Variants in SPIDR observed in about 807,000 individuals in gnomAD.
The protein encoded by SPIDR is DNA repair-scaffolding protein.
A neutral mutation model predicts 104.6 loss-of-function variants in SPIDR; 93 were observed. The observed-to-expected ratio is 0.89, with a 90% CI of 0.75 to 1.06. The LOEUF (loss-of-function observed/expected upper bound fraction) is 1.06. Ranked by LOEUF, SPIDR falls within the 50% of genes least tolerant of loss-of-function variation. The pLI, the probability that SPIDR is intolerant of heterozygous loss-of-function variation, is 0.00. For synonymous variants in SPIDR, 431 were observed against 416.9 expected (o/e 1.03, Z -0.41); for missense variants, 1,154 against 1,111.2 (o/e 1.04, Z -0.55).
chr8:47,315,286 A>G (rs2045109900), intron 5 of SPIDR, among the ~76,000 whole-genome samples: 1 of 152,198 alleles, frequency 6.6e-6, no homozygotes, highest in Non-Finnish European at 1.5e-5. Context: ...TACACATGAT[A>G]TGCATACCGA....
intron 8 of SPIDR, among the ~76,000 whole-genome samples, chr8:47,572,178 T>C (rs2058598746): frequency 6.6e-6 from 1 of 152,306 alleles, no homozygotes; most frequent in South Asian, 2.1e-4. Flanking sequence ...CAGACTGTTT[T>C]GAATGTCATA....
chr8:47,335,632 G>A (rs1234457383), intron 5 of SPIDR, among the ~76,000 whole-genome samples: 2 of 152,096 alleles, frequency 1.3e-5, no homozygotes, highest in South Asian at 2.1e-4. Flanking sequence ...TATATTTTTA[G>A]TAAAGACGGG....
chr8:47,427,307 T>A (rs2066573043), intron 7 of SPIDR, among the ~76,000 whole-genome samples: 1 of 142,072 alleles, frequency 7.0e-6, no homozygotes, highest in South Asian at 2.2e-4. Context: ...TGGGACAGGG[T>A]TTTTTTTTTT....
At chr8:47,654,309 C>T (rs982837299) in intron 10 of SPIDR, among the ~76,000 whole-genome samples, 1 of 152,088 alleles carries the variant, frequency 6.6e-6, no homozygotes. Flanking sequence ...AAGGCAAGAC[C>T]GTGACAATGG....
chr8:47,579,805 TC>T (rs2059527081), intron 8 of SPIDR, among the ~76,000 whole-genome samples: 2 of 152,178 alleles, frequency 1.3e-5, no homozygotes, highest in African/African-American at 2.4e-5. Context: ...TCAGTTTGTG[TC>T]CCTTCCCTTT....
chr8:47,432,954 A>T (rs2067618439), intron 7 of SPIDR, among the ~76,000 whole-genome samples: 1 of 152,210 alleles, frequency 6.6e-6, no homozygotes, highest in African/African-American at 2.4e-5. Flanking sequence ...AGACTATTGT[A>T]GTAACTAAGA....
chr8:47,393,675 T>C (rs1441656558), intron 5 of SPIDR, among the ~76,000 whole-genome samples: 1 of 7,208 alleles, frequency 1.4e-4, no homozygotes, highest in African/African-American at 2.0e-4. Flanking sequence ...CCTTTCCTTT[T>C]TCCTTTCCTT....
intron 12 of SPIDR, 137 bp downstream of exon 12, chr8:47,700,627 C>A: frequency 1.3e-6 from 1 of 796,542 alleles, no homozygotes; most frequent in Non-Finnish European, 2.1e-6. Context: ...GCAGTCAGTT[C>A]CTTTGTAGTG....
intron 5 of SPIDR, among the ~76,000 whole-genome samples, chr8:47,368,284 A>G (rs781865732): frequency 1.3e-4 from 18 of 143,590 alleles, no homozygotes; most frequent in Non-Finnish European, 2.1e-4. Flanking sequence ...GGAGGACACA[A>G]CATTCAGTCC....
At chr8:47,289,228 G>GT (rs1174525027) in intron 3 of SPIDR, among the ~76,000 whole-genome samples, 2 of 151,692 alleles carry the variant, frequency 1.3e-5, no homozygotes, top group Non-Finnish European at 2.9e-5. Context: ...CTAGGCTGGA[G>GT]TTTTTTTTGT....
At chr8:47,528,348 A>G (rs2085362197) in intron 8 of SPIDR, among the ~76,000 whole-genome samples, 1 of 152,206 alleles carries the variant, frequency 6.6e-6, no homozygotes, top group Admixed American at 6.5e-5. Context: ...AAAGATCTTT[A>G]TACTGCAGTC....
chr8:47,731,586 G>A (rs897743819), intron 19 of SPIDR, among the ~76,000 whole-genome samples: 5 of 152,252 alleles, frequency 3.3e-5, no homozygotes, highest in African/African-American at 7.2e-5. Flanking sequence ...GAAAGTCATC[G>A]TTACGCCACA....
intron 7 of SPIDR, among the ~76,000 whole-genome samples, chr8:47,423,699 G>A (rs1238428283): frequency 6.6e-6 from 1 of 152,208 alleles, no homozygotes; most frequent in Non-Finnish European, 1.5e-5. Context: ...AATGGCATGG[G>A]GTGGGCAGGG....
chr8:47,389,614 G>A (rs1472592579), intron 5 of SPIDR, among the ~76,000 whole-genome samples: 19 of 147,768 alleles, frequency 1.3e-4, no homozygotes, highest in African/African-American at 4.4e-4. Context: ...GCGTGAACCC[G>A]GAAGGCAGAG....
chr8:47,341,081 ACATAT>A (rs1446269016), intron 5 of SPIDR, among the ~76,000 whole-genome samples: 1 of 152,204 alleles, frequency 6.6e-6, no homozygotes, highest in Non-Finnish European at 1.5e-5. Flanking sequence ...CCTGAGACTG[ACATAT>A]CAGAAGTGAG....
Position 47,598,979 on chromosome 8 carries a change from G to T in SPIDR, c.1327G>T (p.Ala443Ser), listed in dbSNP as rs2061944525. The T allele has an allele frequency of 1.2e-6, 2 of 1,613,936 alleles. No homozygotes were observed. The highest frequency in any genetic ancestry group is 1.7e-6 in the Non-Finnish European group (2 of 1,179,918). The change falls in exon 10 of 20, where the codon GCC (alanine) becomes TCC (serine). Residue 443 changes from alanine to serine, a missense_variant. Coordinates refer to ENST00000297423, the MANE Select transcript of SPIDR (RefSeq NM_001080394.4). ...VCSGVATTGTAWTHGHKEAKQ... is the reference protein window; with the variant it reads ...VCSGVATTGTSWTHGHKEAKQ... The stretch of plus-strand genomic sequence containing the variant: ...TAGTGGTGTAGCCACTACAGGGACA[G>T]CCTGGACCCATGGGCACAAAGAAGC...
intron 8 of SPIDR, among the ~76,000 whole-genome samples, chr8:47,529,749 G>A (rs556184738): frequency 2.0e-5 from 3 of 152,048 alleles, no homozygotes; most frequent in Admixed American, 6.5e-5. Flanking sequence ...AATGTATTCA[G>A]TGGTCATAGT....
chr8:47,521,402 A>G (rs186684561), intron 8 of SPIDR, among the ~76,000 whole-genome samples: 11 of 152,166 alleles, frequency 7.2e-5, no homozygotes, highest in African/African-American at 2.4e-4. Context: ...GGAAGATACC[A>G]GAAACAATAC....
intron 5 of SPIDR, among the ~76,000 whole-genome samples, chr8:47,314,856 T>C (rs1554588386): frequency 6.6e-6 from 1 of 152,194 alleles, no homozygotes; most frequent in Non-Finnish European, 1.5e-5. Flanking sequence ...GATTCATACA[T>C]TGGATAGAAA....
Sources: allele counts gnomAD v4.1 joint callset (sites outside exome capture counted in the v4.1 genomes callset), GRCh38; gene constraint gnomAD v4.1.1; transcripts MANE v1.5; gene names NCBI Gene and HGNC (gene_info 2026-07-23, HGNC 2026-07-21).